NKAIN3: variants seen among roughly 807,000 people sequenced by gnomAD.
The protein encoded by NKAIN3 is sodium/potassium transporting ATPase interacting 3.
A neutral mutation model predicts 30.2 loss-of-function variants in NKAIN3; 25 were observed. The ratio of observed to expected loss-of-function variants is 0.83; its 90% CI spans 0.60 to 1.16. NKAIN3 has a LOEUF of 1.16. Among genes scored for constraint, NKAIN3 ranks in the 50% most tolerant of loss-of-function variants. The pLI is 0.00. For missense variants in NKAIN3, 225 were observed against 254.1 expected (o/e 0.89, Z 0.78); for synonymous variants, 91 against 89.6 (o/e 1.02, Z -0.09).
chr8:62,819,625 A>T (rs542844919), intron 4 of NKAIN3, among the ~76,000 whole-genome samples: 2 of 152,172 alleles, frequency 1.3e-5, no homozygotes, highest in East Asian at 1.9e-4. Flanking sequence ...ATCAGGAATT[A>T]AAAAAATTTT....
intron 1 of NKAIN3, among the ~76,000 whole-genome samples, chr8:62,442,285 C>T (rs927301825): frequency 6.6e-6 from 1 of 151,840 alleles, no homozygotes; most frequent in East Asian, 1.9e-4. Flanking sequence ...TTTTAATAGT[C>T]ATTGTCTATT....
chr8:62,656,818 A>G (rs76281264), intron 3 of NKAIN3, among the ~76,000 whole-genome samples: 5,960 of 152,244 alleles, frequency 0.039, 180 homozygotes, highest in African/African-American at 0.083. Flanking sequence ...GAAACCTGTA[A>G]TGGTGTCCTG....
intron 1 of NKAIN3, among the ~76,000 whole-genome samples, chr8:62,558,563 C>T (rs545456312): frequency 6.6e-6 from 1 of 152,066 alleles, no homozygotes; most frequent in South Asian, 2.1e-4. Context: ...TTTTAAAAGT[C>T]AGTTATAGAA....
At chr8:62,611,858 C>G (rs1811303133) in intron 3 of NKAIN3, among the ~76,000 whole-genome samples, 1 of 151,964 alleles carries the variant, frequency 6.6e-6, no homozygotes, top group South Asian at 2.1e-4. Context: ...TTTTGAGGAA[C>G]CTTTAAATTG....
intron 5 of NKAIN3, among the ~76,000 whole-genome samples, chr8:62,920,258 T>TG (rs1393377786): frequency 2.6e-5 from 4 of 152,216 alleles, no homozygotes; most frequent in Non-Finnish European, 5.9e-5. Flanking sequence ...TTTGAGTAGT[T>TG]ATCAAACAAC....
chr8:62,676,850 A>G lies in NKAIN3; in HGVS notation c.274-70082A>G, dbSNP rs546364096. ...TACCTCTGGCTCCTGAGTAACTGGC[A>G]TGACAGGTGTGCATCACCATGCCAA... is the stretch of plus-strand genomic sequence containing the variant. On this transcript the variant is annotated intron_variant, in intron 3 of 6. Transcript: ENST00000623646. 2.0e-3 allele frequency among the ~76,000 whole-genome samples: 308 copies of G among 151,742 alleles called. 1 individual carries two copies. The highest frequency in any genetic ancestry group is 4.1e-3 in the Non-Finnish European group (278 of 67,930).
At chr8:62,466,045 A>T (rs570761949) in intron 1 of NKAIN3, among the ~76,000 whole-genome samples, 1 of 152,078 alleles carries the variant, frequency 6.6e-6, no homozygotes, top group Admixed American at 6.6e-5. Flanking sequence ...AGAAAGAAAA[A>T]AAAGTTTTGA....
rs1824150645 is a variant in NKAIN3 at position 62,984,142 on chromosome 8, A to G, written c.*18735A>G. On this transcript the variant is annotated 3_prime_UTR_variant, in exon 7 of 7. Transcript: ENST00000623646. The stretch of plus-strand genomic sequence containing the variant: ...GATGATTATTGAAAGCACGATAGCA[A>G]TGTTTAAGTGGTGAGAATGACTCTA... 6.6e-6 allele frequency: 1 copy of G among 152,246 alleles called. No individual in the cohort carries two copies. The highest frequency in any genetic ancestry group is 2.4e-5 in the African/African-American group (1 of 41,470). 9.4% of individuals were successfully genotyped at this position (152,246 alleles called of 1,614,324 possible). A position where few individuals can be genotyped will look rare whatever the true frequency, so the allele number is the denominator to read the frequency against.
chr8:62,895,914 C>T (rs1027316405), intron 4 of NKAIN3, among the ~76,000 whole-genome samples: 3 of 152,090 alleles, frequency 2.0e-5, no homozygotes, highest in African/African-American at 7.2e-5. Flanking sequence ...CTCAAATGAG[C>T]CTCACTTGTT....
At position 62,381,500 on chromosome 8, in the gene NKAIN3, A is replaced by G. The variant is rs563254070; in HGVS notation, c.54+132373A>G. The stretch of plus-strand genomic sequence containing the variant: ...ACTAGATGGTACTTCTGATATACAT[A>G]TATATATACATACACACACATATAC... On this transcript the variant is annotated intron_variant, in intron 1 of 6. Coordinates refer to ENST00000623646, the MANE Select transcript of NKAIN3 (RefSeq NM_001304533.3). Among the ~76,000 whole-genome samples, 36 of 151,830 alleles carry G rather than the reference A, an allele frequency of 2.4e-4. No homozygotes were observed. In the South Asian group the frequency reaches 7.5e-3, roughly 31 times the overall value.
intron 4 of NKAIN3, among the ~76,000 whole-genome samples, chr8:62,869,789 A>G (rs1309590217): frequency 3.3e-5 from 5 of 151,746 alleles, no homozygotes; most frequent in Admixed American, 2.6e-4. Flanking sequence ...TTGTTTTGAG[A>G]CAGAGTCTAG....
intron 4 of NKAIN3, among the ~76,000 whole-genome samples, chr8:62,790,217 G>T (rs915578026): frequency 3.9e-5 from 6 of 152,102 alleles, no homozygotes; most frequent in African/African-American, 1.4e-4. Flanking sequence ...AAAACCACAT[G>T]ATTATCTCAG....
At chr8:62,413,428 G>T (rs991272181) in intron 1 of NKAIN3, among the ~76,000 whole-genome samples, 1 of 152,058 alleles carries the variant, frequency 6.6e-6, no homozygotes, top group South Asian at 2.1e-4. Context: ...TTATTCATTG[G>T]TTTTTGCCTG....
Position 62,260,526 on chromosome 8 carries a change from T to C in NKAIN3, c.54+11399T>C, listed in dbSNP as rs1056850678. ...GCCATTGTTCGCTCCAAAGCAGTTATGTGTGTGATGCTTCAATACTGAAGC... is the reference window on the plus strand; with the variant it reads ...GCCATTGTTCGCTCCAAAGCAGTTACGTGTGTGATGCTTCAATACTGAAGC... On this transcript the variant is annotated intron_variant, in intron 1 of 6. Coordinates refer to ENST00000623646, the MANE Select transcript of NKAIN3 (RefSeq NM_001304533.3). Among the ~76,000 whole-genome samples, 3 of 152,190 alleles carry C rather than the reference T, an allele frequency of 2.0e-5. No homozygotes were observed. In the South Asian group the frequency reaches 6.2e-4, roughly 31 times the overall value.
chr8:62,316,430 C>T (rs1814631113), intron 1 of NKAIN3, among the ~76,000 whole-genome samples: 1 of 150,346 alleles, frequency 6.7e-6, no homozygotes, highest in Non-Finnish European at 1.5e-5. Context: ...TCCCCCCCCT[C>T]CTCCCACCCC....
intron 4 of NKAIN3, among the ~76,000 whole-genome samples, chr8:62,862,912 C>A (rs1433971440): frequency 1.3e-5 from 2 of 152,138 alleles, no homozygotes; most frequent in Non-Finnish European, 1.5e-5. Context: ...TATTTTTCCA[C>A]AGTGCAGGAG....
intron 1 of NKAIN3, among the ~76,000 whole-genome samples, chr8:62,319,573 C>T (rs573671112): frequency 1.3e-5 from 2 of 152,204 alleles, no homozygotes; most frequent in East Asian, 3.9e-4. Context: ...TTATTTCTGC[C>T]TTCATTTCGT....
chr8:62,918,050 T>A (rs4535732), intron 4 of NKAIN3, among the ~76,000 whole-genome samples: 103,366 of 152,154 alleles, frequency 0.68, 36,041 homozygotes, highest in East Asian at 0.9. Context: ...AAGCAACATG[T>A]TTTGATTCCT....
At chr8:62,545,763 G>T (rs1321183302) in intron 1 of NKAIN3, among the ~76,000 whole-genome samples, 1 of 152,058 alleles carries the variant, frequency 6.6e-6, no homozygotes, top group African/African-American at 2.4e-5. Flanking sequence ...ACACTGCTGT[G>T]TGTATCTGTG....
Sources: allele counts gnomAD v4.1 joint callset (sites outside exome capture counted in the v4.1 genomes callset), GRCh38; gene constraint gnomAD v4.1.1; transcripts MANE v1.5; gene names NCBI Gene and HGNC (gene_info 2026-07-23, HGNC 2026-07-21).